KAT6A: variants seen among roughly 807,000 people sequenced by gnomAD.
The protein encoded by KAT6A is histone acetyltransferase KAT6A.
A neutral mutation model predicts 198.4 loss-of-function variants in KAT6A; 9 were observed. The ratio of observed to expected loss-of-function variants is 0.05; its 90% confidence interval spans 0.03 to 0.08. The LOEUF (loss-of-function observed/expected upper bound fraction) is 0.08. Among genes scored for constraint, KAT6A ranks in the 10% least tolerant of loss-of-function variants. KAT6A has a pLI of 1.00. For missense variants in KAT6A, 2,077 were observed against 2,509.9 expected (o/e 0.83, Z 3.69); for synonymous variants, 890 against 883.0 (o/e 1.01, Z -0.14).
At chr8:41,935,541 TTTATA>T (rs1168678907) in intron 16 of KAT6A, among the ~76,000 whole-genome samples, 1 of 152,198 alleles carries the variant, frequency 6.6e-6, no homozygotes, top group Non-Finnish European at 1.5e-5. Context: ...AGAAATAAAT[TTTATA>T]TTATTAGCAT....
chr8:42,045,454 T>C (rs551348522), intron 2 of KAT6A, among the ~76,000 whole-genome samples: 3 of 148,758 alleles, frequency 2.0e-5, no homozygotes, highest in South Asian at 2.1e-4. Flanking sequence ...CCCAGCTACA[T>C]GGGAGGCTGA....
At chr8:42,001,926 T>C (rs1825513897) in intron 2 of KAT6A, among the ~76,000 whole-genome samples, 2 of 152,354 alleles carry the variant, frequency 1.3e-5, no homozygotes, top group South Asian at 2.1e-4. Flanking sequence ...TCATTGTTTT[T>C]AGTTTTAATG....
chr8:42,016,833 AAC>A (rs1232154433), intron 2 of KAT6A, among the ~76,000 whole-genome samples: 1 of 152,108 alleles, frequency 6.6e-6, no homozygotes, highest in African/African-American at 2.4e-5. Flanking sequence ...AAACTTAACA[AAC>A]ACAGTTTTTC....
At chr8:42,031,335 T>C (rs1564077401) in intron 2 of KAT6A, among the ~76,000 whole-genome samples, 1 of 152,184 alleles carries the variant, frequency 6.6e-6, no homozygotes, top group African/African-American at 2.4e-5. Context: ...ATGGTACTTT[T>C]CAGCTGAGGT....
chr8:42,007,883 A>C (rs1312108928), intron 2 of KAT6A, among the ~76,000 whole-genome samples: 1 of 148,222 alleles, frequency 6.7e-6, no homozygotes, highest in Non-Finnish European at 1.5e-5. Flanking sequence ...AATGGCGTGA[A>C]CCAGGGAGGC....
chr8:42,017,392 G>A (rs1826326067), intron 2 of KAT6A, among the ~76,000 whole-genome samples: 1 of 152,120 alleles, frequency 6.6e-6, no homozygotes, highest in Non-Finnish European at 1.5e-5. Context: ...TCATAATACA[G>A]GGAGAAAAAC....
At position 41,940,854 on chromosome 8, in the gene KAT6A, C is replaced by A. The variant is rs776643060; in HGVS notation, c.3027G>T (p.Thr1009=). 2 of 1,610,792 alleles carry A rather than the reference C, an allele frequency of 1.2e-6. No homozygotes were observed. The highest frequency in any genetic ancestry group is 1.7e-5 in the Admixed American group (1 of 59,912). ...SSSPPILTKP[T]LKRKKPFLHR... is the part of the protein sequence containing the mutation. ...AGAAATGCGTTACCTTTCGCTTCAG[C>A]GTGGGCTTTGTGAGAATTGGTGGCG... Residue 1009 remains threonine (T), a synonymous_variant, in exon 15 of 17, where the codon ACG becomes ACT. Coordinates refer to ENST00000265713, the MANE Select transcript of KAT6A (RefSeq NM_006766.5).
intron 8 of KAT6A, among the ~76,000 whole-genome samples, chr8:41,961,728 G>A (rs1054671531): frequency 8.1e-5 from 12 of 147,588 alleles, no homozygotes; most frequent in African/African-American, 2.8e-4. Context: ...ACTCCAGCCT[G>A]GTGACAGAGC....
chr8:42,036,325 G>C (rs1827374794), intron 2 of KAT6A, among the ~76,000 whole-genome samples: 2 of 152,052 alleles, frequency 1.3e-5, no homozygotes, highest in Non-Finnish European at 2.9e-5. Flanking sequence ...AGTTAAAGCA[G>C]AGAGGTTGGG....
At chr8:41,995,076 A>C (rs1224200281) in intron 2 of KAT6A, among the ~76,000 whole-genome samples, 1 of 152,002 alleles carries the variant, frequency 6.6e-6, no homozygotes, top group Non-Finnish European at 1.5e-5. Context: ...ATAAAAATAA[A>C]AATAAAAACA....
chr8:41,969,900 A>AG (rs1271894946), intron 8 of KAT6A, among the ~76,000 whole-genome samples: 1 of 152,086 alleles, frequency 6.6e-6, no homozygotes, highest in East Asian at 1.9e-4. Flanking sequence ...GTTCTTCTCT[A>AG]GCTCTTTACT....
At chr8:42,024,079 A>G (rs989939125) in intron 2 of KAT6A, among the ~76,000 whole-genome samples, 12 of 152,174 alleles carry the variant, frequency 7.9e-5, no homozygotes, top group African/African-American at 2.9e-4. Flanking sequence ...TTTTAATAAG[A>G]AGGAGTACAC....
intron 2 of KAT6A, among the ~76,000 whole-genome samples, chr8:42,022,644 T>C (rs575485062): frequency 3.3e-5 from 5 of 152,264 alleles, no homozygotes; most frequent in East Asian, 1.9e-4. Context: ...TGACTCTCTA[T>C]GGAGAAAAAT....
chr8:41,959,041 A>G (rs992166198), intron 8 of KAT6A, among the ~76,000 whole-genome samples: 2 of 151,874 alleles, frequency 1.3e-5, no homozygotes, highest in Admixed American at 6.6e-5. Context: ...GGGCACCTGT[A>G]GTCCCAGCTA....
intron 2 of KAT6A, among the ~76,000 whole-genome samples, chr8:42,041,502 G>C (rs1019432037): frequency 6.6e-6 from 1 of 152,080 alleles, no homozygotes; most frequent in Non-Finnish European, 1.5e-5. Flanking sequence ...TTTGGGAGGC[G>C]GAGGTGGGCG....
At position 41,941,097 on chromosome 8, in the gene KAT6A, G is replaced by C; in HGVS notation, c.2784C>G (p.Ser928Arg). 6.2e-7 allele frequency: 1 copy of C among 1,614,162 alleles called. No homozygotes were observed. The highest frequency in any genetic ancestry group is 2.2e-5 in the East Asian group (1 of 44,880). ...EQLVASEEQP[S>R]QDGKPDLPKR... The stretch of plus-strand genomic sequence containing the variant: ...TGGGAAGGTCAGGTTTCCCGTCCTG[G>C]CTTGGCTGCTCCTCAGAAGCCACCA... Residue 928 changes from serine to arginine, a missense_variant, in exon 15 of 17, where the codon AGC (serine) becomes AGG (arginine). By Grantham distance (110) the Ser-to-Arg change is moderately radical. Coordinates refer to ENST00000265713, the MANE Select transcript of KAT6A (RefSeq NM_006766.5).
chr8:42,031,014 T>C (rs1157431532), intron 2 of KAT6A, among the ~76,000 whole-genome samples: 1 of 104,564 alleles, frequency 9.6e-6, no homozygotes. Context: ...TGTTAAGGTA[T>C]GCTGCCAAAT....
rs753748630 is a variant in KAT6A at position 41,934,466 on chromosome 8, C to A, written c.3754G>T (p.Ala1252Ser). 2 of 1,608,048 alleles carry A rather than the reference C, an allele frequency of 1.2e-6. No individual in the cohort carries two copies. The highest frequency in any genetic ancestry group is 1.7e-6 in the Non-Finnish European group (2 of 1,176,910). Residue 1252 changes from alanine (A) to serine (S), a missense_variant, in exon 17 of 17, where the codon GCC becomes TCC. Physicochemically the swap from Ala to Ser is moderately conservative, Grantham distance 99 (BLOSUM62 1). This residue lies in a region of KAT6A where 375 missense variants were observed against 383.0 expected (regional missense o/e 0.98). Transcript: ENST00000265713. ...CTATTGCTGCTGTCTGCTGGAGAGGCTGCTGGGACTTCACTGCTGGCTGCA... is the reference window on the plus strand; with the variant it reads ...CTATTGCTGCTGTCTGCTGGAGAGGATGCTGGGACTTCACTGCTGGCTGCA... ...EDAASSEVPA[A>S]SPADSSNSPE...
rs905586705 is a variant in KAT6A, at chr8:41,997,031, A to G, written c.601-9468T>C. Among the ~76,000 whole-genome samples the G allele has an allele frequency of 2.0e-5, 3 of 152,134 alleles. 1 individual carries two copies. The highest frequency in any genetic ancestry group is 1.9e-4 in the East Asian group (1 of 5,194). On this transcript the variant is annotated intron_variant, in intron 2 of 16. Coordinates refer to ENST00000265713, the MANE Select transcript of KAT6A (RefSeq NM_006766.5). ...TTACCAAAGGCCATGGGAAGTGGAG[A>G]ATGGGAAGTTATTGTTTAATGGATA...
Sources: gnomAD v4.1 joint callset for allele counts (sites outside exome capture counted in the v4.1 genomes callset) on GRCh38, gnomAD v4.1.1 for gene constraint, gnomAD v4.1.1 regional missense constraint, MANE v1.5 for transcripts, NCBI Gene and HGNC (gene_info 2026-07-23, HGNC 2026-07-21) for gene names.